The following SAMD4A variants were observed in gnomAD, a reference collection of about 807,000 sequenced individuals.
SAMD4A encodes protein Smaug homolog 1.
A neutral mutation model predicts 81.3 loss-of-function variants in SAMD4A; 33 were observed. The ratio of observed to expected loss-of-function variants is 0.41; its 90% CI spans 0.31 to 0.54. SAMD4A has a LOEUF of 0.54. SAMD4A is among the 20% of genes least tolerant of loss of function. The pLI, the probability that SAMD4A is intolerant of heterozygous loss-of-function variation, is 0.37. For missense variants in SAMD4A, 854 were observed against 951.1 expected (o/e 0.90, Z 1.34); for synonymous variants, 389 against 382.1 (o/e 1.02, Z -0.21).
At chr14:54,613,510 C>T (rs1185766003) in intron 2 of SAMD4A, among the ~76,000 whole-genome samples, 3 of 152,212 alleles carry the variant, frequency 2.0e-5, no homozygotes, top group Non-Finnish European at 2.9e-5. Context: ...AAGTTACCTT[C>T]TCTGAGATGT....
At chr14:54,720,448 C>T (rs955969213) in intron 3 of SAMD4A, among the ~76,000 whole-genome samples, 8 of 149,294 alleles carry the variant, frequency 5.4e-5, no homozygotes, top group African/African-American at 7.4e-5. Flanking sequence ...GATTTCACCA[C>T]AGAGAGATCA....
At chr14:54,639,099 C>T (rs377589098) in intron 2 of SAMD4A, among the ~76,000 whole-genome samples, 3 of 152,316 alleles carry the variant, frequency 2.0e-5, no homozygotes, top group African/African-American at 7.2e-5. Context: ...CCATTTGGTA[C>T]TTATTGACCC....
intron 2 of SAMD4A, among the ~76,000 whole-genome samples, chr14:54,662,913 G>C (rs956328995): frequency 6.6e-6 from 1 of 152,182 alleles, no homozygotes; most frequent in Non-Finnish European, 1.5e-5. Flanking sequence ...TTCCTGTGCT[G>C]CTGGGCTGCT....
intron 2 of SAMD4A, among the ~76,000 whole-genome samples, chr14:54,629,670 T>C (rs1264233099): frequency 6.6e-6 from 1 of 152,228 alleles, no homozygotes; most frequent in Non-Finnish European, 1.5e-5. Flanking sequence ...AAAATTTTTT[T>C]TTCAATTGCG....
At chr14:54,654,405 G>A (rs1044459775) in intron 2 of SAMD4A, among the ~76,000 whole-genome samples, 9 of 152,106 alleles carry the variant, frequency 5.9e-5, no homozygotes, top group Non-Finnish European at 1.0e-4. Context: ...TTTTGTTTGC[G>A]AAACTCCCTC....
In SAMD4A at chr14:54,577,217, C is replaced by A. The variant is rs182859261; in HGVS notation, c.196+9105C>A. Among the ~76,000 whole-genome samples the A allele has an allele frequency of 1.3e-3, 195 of 152,328 alleles. 1 individual carries two copies. The highest frequency in any genetic ancestry group is 4.5e-3 in the African/African-American group (186 of 41,568). On this transcript the variant is annotated intron_variant, in intron 2 of 12. Coordinates refer to ENST00000554335, the MANE Select transcript of SAMD4A (RefSeq NM_015589.6). Reference sequence around the variant, plus strand: ...CCTCTCCCTTGGCCAAGTGTTGCCCCAGGGTACTGAGTCCCTGTACTTTCA... The same window carrying A: ...CCTCTCCCTTGGCCAAGTGTTGCCCAAGGGTACTGAGTCCCTGTACTTTCA...
At chr14:54,679,522 G>T (rs932071848) in intron 2 of SAMD4A, among the ~76,000 whole-genome samples, 2 of 152,184 alleles carry the variant, frequency 1.3e-5, no homozygotes, top group Non-Finnish European at 2.9e-5. Context: ...CTACCCTGAG[G>T]CCTGCATGGA....
rs555307093 is a variant in SAMD4A, at chr14:54,675,137, G to A, written c.197-26925G>A. 1.1e-4 allele frequency among the ~76,000 whole-genome samples: 16 copies of A among 152,078 alleles called. No homozygotes were observed. The South Asian group carries it at 1.5e-3, about 14-fold the overall frequency. On this transcript the variant is annotated intron_variant, in intron 2 of 12. Coordinates refer to ENST00000554335, the MANE Select transcript of SAMD4A (RefSeq NM_015589.6). ...TCCAAGCACTTTGGGAGGCTGAGGC[G>A]GGTGGATCACCTGAGGTCAGGAGTT...
At chr14:54,720,841 T>G (rs913849725) in intron 3 of SAMD4A, among the ~76,000 whole-genome samples, 5 of 152,108 alleles carry the variant, frequency 3.3e-5, no homozygotes, top group Non-Finnish European at 5.9e-5. Flanking sequence ...GCTCTCCAAG[T>G]CCTGAGCTTC....
At chr14:54,703,085 A>AT (rs1467317462) in intron 3 of SAMD4A, 1 of 146,708 alleles carries the variant, frequency 6.8e-6, no homozygotes, top group Non-Finnish European at 1.5e-5. Flanking sequence ...CTCCCTTTGC[A>AT]TTTTCTGGTT....
At chr14:54,733,237 T>A (rs1208046794) in intron 3 of SAMD4A, among the ~76,000 whole-genome samples, 2 of 152,236 alleles carry the variant, frequency 1.3e-5, no homozygotes, top group African/African-American at 4.8e-5. Flanking sequence ...TCAACTAGAC[T>A]TACCTAATAC....
chr14:54,684,686 G>A (rs1479296986), intron 2 of SAMD4A, among the ~76,000 whole-genome samples: 1 of 135,426 alleles, frequency 7.4e-6, no homozygotes, highest in African/African-American at 2.7e-5. Context: ...CCCAGATGCT[G>A]TTGTTAGTTT....
intron 2 of SAMD4A, among the ~76,000 whole-genome samples, chr14:54,653,408 C>G (rs948721453): frequency 6.6e-6 from 1 of 150,988 alleles, no homozygotes; most frequent in Admixed American, 6.6e-5. Flanking sequence ...GTGATGATCT[C>G]TGCTCACTGC....
intron 5 of SAMD4A, 46 bp downstream of exon 5, chr14:54,748,970 G>T (rs1406193665): frequency 1.4e-6 from 2 of 1,386,134 alleles, no homozygotes; most frequent in Admixed American, 2.0e-5. Flanking sequence ...CCCCAGGCAG[G>T]ACCTGAAGTT....
chr14:54,679,071 A>G (rs917560052), intron 2 of SAMD4A, among the ~76,000 whole-genome samples: 5 of 152,210 alleles, frequency 3.3e-5, no homozygotes, highest in African/African-American at 1.2e-4. Flanking sequence ...ATTGACTCGG[A>G]TTTGGATTTT....
rs1344871373 is a variant in SAMD4A, at chr14:54,702,050, TTC to T, written c.197-11_197-10del. The T allele has an allele frequency of 6.2e-7, 1 of 1,612,738 alleles. No individual in the cohort carries two copies. Among genetic ancestry groups the T allele is most frequent in the Non-Finnish European group, 8.5e-7 (1 of 1,179,130 alleles). On this transcript the variant is annotated splice_polypyrimidine_tract_variant and intron_variant, in intron 2 of 12. Transcript: ENST00000554335. ...GTATTTGCTTATTTGCCGTGTATAT[TTC>T]CCTTTTCAGGAATCATTAACCAATG...
chr14:54,639,575 C>T (rs891618743), intron 2 of SAMD4A, among the ~76,000 whole-genome samples: 2 of 152,224 alleles, frequency 1.3e-5, no homozygotes, highest in Admixed American at 6.5e-5. Flanking sequence ...TGGCCTGTTA[C>T]GGCGGGCAGT....
intron 2 of SAMD4A, among the ~76,000 whole-genome samples, chr14:54,667,796 C>A (rs2035788191): frequency 6.6e-6 from 1 of 152,238 alleles, no homozygotes; most frequent in Non-Finnish European, 1.5e-5. Flanking sequence ...GTCTTTACCA[C>A]ACACCATGCA....
At chr14:54,704,727 A>G (rs1023427686) in intron 3 of SAMD4A, among the ~76,000 whole-genome samples, 1 of 152,234 alleles carries the variant, frequency 6.6e-6, no homozygotes, top group African/African-American at 2.4e-5. Flanking sequence ...AGAGAAGATC[A>G]AAGAGCTCAG....
Sources: allele counts gnomAD v4.1 joint callset (sites outside exome capture counted in the v4.1 genomes callset), GRCh38; gene constraint gnomAD v4.1.1; transcripts MANE v1.5; gene names NCBI Gene and HGNC (gene_info 2026-07-23, HGNC 2026-07-21).